IGSF22: variants seen among roughly 807,000 people sequenced by gnomAD.
IGSF22 encodes the protein immunoglobulin superfamily member 22, also known as immunoglobulin superfamily, member 22.
IGSF22 carries 119 observed loss-of-function variants against 127.0 expected under a neutral mutation model. The observed-to-expected ratio is 0.94, with a 90% CI of 0.81 to 1.09. IGSF22 has a LOEUF of 1.09. Among genes scored for constraint, IGSF22 ranks in the 50% least tolerant of loss-of-function variants. IGSF22 has a pLI of 0.00. For missense variants in IGSF22, 1,518 were observed against 1,716.6 expected (o/e 0.88, Z 2.04); for synonymous variants, 568 against 664.7 (o/e 0.85, Z 2.24).
chr11:18,715,366 G>A, intron 11 of IGSF22, 66 bp downstream of exon 11: 1 of 1,511,914 alleles, frequency 6.6e-7, no homozygotes, highest in East Asian at 2.3e-5. Flanking sequence ...GGCAATTGAT[G>A]TCCACTGTAA....
chr11:18,717,032 G>A, intron 9 of IGSF22, 32 bp from the exon 10 acceptor site: 1 of 1,610,064 alleles, frequency 6.2e-7, no homozygotes, highest in Non-Finnish European at 8.5e-7. Context: ...GTAGTCATTG[G>A]GCTGGTCCCT....
chr11:18,721,472 C>T (rs1020176381), intron 4 of IGSF22, 63 bp downstream of exon 4: 1 of 1,609,660 alleles, frequency 6.2e-7, no homozygotes, highest in Non-Finnish European at 8.5e-7. Flanking sequence ...AGACTGGCGG[C>T]CCGCCCTGGG....
intron 4 of IGSF22, 90 bp from the exon 5 acceptor site, chr11:18,720,375 TA>T: frequency 1.2e-6 from 1 of 803,486 alleles, no homozygotes; most frequent in Non-Finnish European, 2.0e-6. Flanking sequence ...TTTTTTTTTT[TA>T]GGGGACAATA....
At chr11:18,710,969 T>A in intron 15 of IGSF22, 141 bp from the exon 16 acceptor site, 1 of 726,750 alleles carries the variant, frequency 1.4e-6, no homozygotes. Context: ...AGAGACAAGG[T>A]CTCACTCTGT....
chr11:18,706,190 C>A (rs1848226959), intron 21 of IGSF22, 44 bp from the exon 22 acceptor site: 2 of 1,486,846 alleles, frequency 1.3e-6, no homozygotes. Flanking sequence ...GCCCCAAGGC[C>A]CCCACCCACC....
intron 14 of IGSF22, among the ~76,000 whole-genome samples, chr11:18,713,158 T>G (rs1418945947): frequency 2.0e-5 from 3 of 149,508 alleles, no homozygotes; most frequent in Non-Finnish European, 3.0e-5. Context: ...TTTCTTTTTT[T>G]TTTTTTTTTT....
Position 18,716,733 on chromosome 11 carries a change from A to ATGGT in IGSF22, c.1240_1241insACCA (p.Val414AspfsTer3). On this transcript the variant is annotated frameshift_variant, in exon 10 of 23. Coordinates refer to ENST00000513874, the MANE Select transcript of IGSF22 (RefSeq NM_173588.4). LOFTEE classifies it high-confidence loss of function. The surrounding 1 kb of genome is among the most constrained non-coding windows in gnomAD (Gnocchi z 4.5). ...GCTCTTGCCCAACCACTCACGGTCA[A>ATGGT]CAGTGAGCTGGGCCTTTTGTACCAG... 6.2e-7 allele frequency: 1 copy of ATGGT among 1,613,922 alleles called. No individual in the cohort carries two copies. Among genetic ancestry groups the ATGGT allele is most frequent in the Non-Finnish European group, 8.5e-7 (1 of 1,179,788 alleles).
intron 1 of IGSF22, among the ~76,000 whole-genome samples, chr11:18,725,815 ACTCAGACTAGACT>A (rs1848642998): frequency 6.6e-6 from 1 of 152,188 alleles, no homozygotes. Context: ...GTCCAAGGTC[ACTCAGACTAGACT>A]CCTAGCTTTT....
intron 2 of IGSF22, among the ~76,000 whole-genome samples, chr11:18,723,106 CCA>C (rs548864509): frequency 2.4e-4 from 36 of 152,312 alleles, no homozygotes; most frequent in Non-Finnish European, 2.5e-4. Context: ...CTAGTTTACC[CCA>C]GTCTTTTCCC....
intron 16 of IGSF22, 57 bp downstream of exon 16, chr11:18,710,598 G>A: frequency 6.3e-7 from 1 of 1,586,218 alleles, no homozygotes; most frequent in Admixed American, 1.7e-5. Context: ...TAGTTAATGG[G>A]TCCACTCAGC....
At chr11:18,706,704 A>T (rs1848242177) in intron 21 of IGSF22, 4 of 499,100 alleles carry the variant, frequency 8.0e-6, no homozygotes, top group Non-Finnish European at 1.0e-5. Flanking sequence ...CTGCCCCCAA[A>T]GGTACCTCCC....
chr11:18,710,907 C>T (rs927088268), intron 15 of IGSF22, 79 bp from the exon 16 acceptor site: 40 of 1,264,426 alleles, frequency 3.2e-5, no homozygotes, highest in South Asian at 9.5e-5. Context: ...ACTTCTGCCT[C>T]GCCTGCTTAA....
rs916551906 is a variant in IGSF22 at position 18,713,743 on chromosome 11, GC to G, written c.2095+108del. ...AGCCAGCCTTCTAGGCCCATTCCCAGCCCAAACTTCAACTCTAACTCTGGCC... is the reference window on the plus strand; with the variant it reads ...AGCCAGCCTTCTAGGCCCATTCCCAGCCAAACTTCAACTCTAACTCTGGCC... On this transcript the variant is annotated intron_variant, in intron 14 of 22. Transcript: ENST00000513874. The G allele has an allele frequency of 5.1e-5, 47 of 919,106 alleles. No homozygotes were observed. In the African/African-American group the frequency reaches 7.2e-4, roughly 14 times the overall value. 56.9% of individuals were successfully genotyped at this position (919,106 alleles called of 1,614,324 possible). A position where few individuals can be genotyped will look rare whatever the true frequency, so the allele number is the denominator to read the frequency against.
At position 18,714,266 on chromosome 11, in the gene IGSF22, C is replaced by T. The variant is rs761483867; in HGVS notation, c.1798+11G>A. 6.2e-7 allele frequency: 1 copy of T among 1,610,320 alleles called. No individual in the cohort carries two copies. The highest frequency in any genetic ancestry group is 8.5e-7 in the Non-Finnish European group (1 of 1,178,246). ...ATGGTTGAGCTTTGCCTACCTTGGA[C>T]AGATCCATACCTGCGATGAATACAG... is the stretch of plus-strand genomic sequence containing the variant. On this transcript the variant is annotated intron_variant, in intron 13 of 22. Coordinates refer to ENST00000513874, the MANE Select transcript of IGSF22 (RefSeq NM_173588.4).
In IGSF22 at chr11:18,718,012, T is replaced by C. The variant is rs1848493814; in HGVS notation, c.892A>G (p.Ser298Gly). 1 of 1,614,116 alleles carries C rather than the reference T, an allele frequency of 6.2e-7. No individual in the cohort carries two copies. Residue 298 changes from serine to glycine, a missense_variant, in exon 9 of 23, where the codon AGC (serine) becomes GGC (glycine). Transcript: ENST00000513874. Reference protein sequence around the residue: ...QMGTKYMLVISNVNMNDAGIY... With the variant: ...QMGTKYMLVIGNVNMNDAGIY... ...CCAGCATCGTTCATGTTCACGTTGCTAATAACCAGCATGTACTTGGTGCCC... is the reference window on the plus strand; with the variant it reads ...CCAGCATCGTTCATGTTCACGTTGCCAATAACCAGCATGTACTTGGTGCCC...
chr11:18,710,697 C>T lies in IGSF22; in HGVS notation c.2530G>A (p.Gly844Ser), dbSNP rs750433634. 1.1e-5 allele frequency: 18 copies of T among 1,613,868 alleles called. No individual in the cohort carries two copies. Among genetic ancestry groups the T allele is most frequent in the Admixed American group, 1.7e-5 (1 of 60,014 alleles). Reference protein sequence around the residue: ...LGYIVERRKKGSNLWVPVNKD... With the variant: ...LGYIVERRKKSSNLWVPVNKD... ...TTGACTGGCACCCACAGGTTGCTGC[C>T]TTTCTTCCTTCGTTCTACAATGTAG... Residue 844 changes from glycine (G) to serine (S), a missense_variant, in exon 16 of 23, where the codon GGC becomes AGC. Coordinates refer to ENST00000513874, the MANE Select transcript of IGSF22 (RefSeq NM_173588.4).
intron 16 of IGSF22, 59 bp downstream of exon 16, chr11:18,710,596 G>A: frequency 6.3e-7 from 1 of 1,584,848 alleles, no homozygotes; most frequent in South Asian, 1.1e-5. Context: ...AGTAGTTAAT[G>A]GGTCCACTCA....
chr11:18,724,416 T>C, intron 1 of IGSF22, 147 bp from the exon 2 acceptor site: 1 of 521,204 alleles, frequency 1.9e-6, no homozygotes. Context: ...CTTCATTTCC[T>C]AGCTTCCTTT....
At chr11:18,722,881 TCAAA>T (rs1848597796) in intron 2 of IGSF22, among the ~76,000 whole-genome samples, 1 of 152,244 alleles carries the variant, frequency 6.6e-6, no homozygotes, top group African/African-American at 2.4e-5. Context: ...ACAAGAGGTC[TCAAA>T]CAGGCAGAGT....
Sources: gnomAD v4.1 joint callset for allele counts (sites outside exome capture counted in the v4.1 genomes callset) on GRCh38, gnomAD v4.1.1 for gene constraint, Gnocchi (gnomAD v3.1) non-coding constraint, MANE v1.5 for transcripts, NCBI Gene and HGNC (gene_info 2026-07-23, HGNC 2026-07-21) for gene names.